The following CASD1 variants were observed in gnomAD, a reference collection of about 807,000 sequenced individuals.
CASD1 encodes N-acetylneuraminate (7)9-O-acetyltransferase.
In CASD1, 41 loss-of-function variants were observed where a neutral mutation model predicts 100.0. The observed-to-expected ratio is 0.41, with a 90% confidence interval of 0.32 to 0.53. The LOEUF is 0.53. Ranked by LOEUF, CASD1 falls within the 20% of genes least tolerant of loss-of-function variation. CASD1 has a pLI of 0.25. For synonymous variants in CASD1, 321 were observed against 315.6 expected (o/e 1.02, Z -0.18); for missense variants, 774 against 948.7 (o/e 0.82, Z 2.42).
At chr7:94,588,733 C>T in the CASD1 span, 1 of 1,612,992 alleles carries the variant, frequency 6.2e-7, no homozygotes, top group Non-Finnish European at 8.5e-7. Flanking sequence ...TGGCAAGTTC[C>T]TAGAAATGAT....
rs2116139626 is a variant in CASD1 at position 94,510,201 on chromosome 7, C to T, written c.117C>T (p.Ala39=). The T allele has an allele frequency of 6.7e-7, 1 of 1,482,364 alleles. No homozygotes were observed. The highest frequency in any genetic ancestry group is 9.0e-7 in the Non-Finnish European group (1 of 1,116,776). 91.8% of individuals were successfully genotyped at this position (1,482,364 alleles called of 1,614,324 possible). The part of the protein sequence containing the change: ...AVLLLAACHL[A]SRRYRGNDSC... ...TGCTGCTCGCAGCGTGCCACCTCGC[C>T]TCCCGCCGCTACCGAGGTGAGCGGG... The change falls in exon 1 of 18, where the codon GCC becomes GCT. Residue 39 remains alanine, a synonymous_variant. Coordinates refer to ENST00000297273, the MANE Select transcript of CASD1 (RefSeq NM_022900.5).
At chr7:94,559,777 C>T (rs745749137), downstream of CASD1, among the ~76,000 whole-genome samples, 11 of 152,114 alleles carry the variant, frequency 7.2e-5, no homozygotes, top group Non-Finnish European at 1.3e-4. Context: ...CCACCTTCCT[C>T]GGTCTCCCAA....
chr7:94,563,949 G>C, the CASD1 span, among the ~76,000 whole-genome samples: 1 of 152,116 alleles, frequency 6.6e-6, no homozygotes, highest in Non-Finnish European at 1.5e-5. Flanking sequence ...CCATACTCTA[G>C]AGTACGCATG....
At chr7:94,603,525 G>A in the CASD1 span, 7 of 1,407,536 alleles carry the variant, frequency 5.0e-6, no homozygotes, top group African/African-American at 1.0e-4. Flanking sequence ...CACCTTAAAA[G>A]CAGGATTTAG....
rs1795849838 is a variant in CASD1 at position 94,549,644 on chromosome 7, T to C, written c.1815+10T>C. On this transcript the variant is annotated intron_variant, in intron 14 of 17. Coordinates refer to ENST00000297273, the MANE Select transcript of CASD1 (RefSeq NM_022900.5). ...GAGGTTAGACCGTTATGTATGTATT[T>C]ACTTTGTGATATTTTGTCATTTCAA... The C allele has an allele frequency of 3.8e-6, 6 of 1,564,198 alleles. No homozygotes were observed. The highest frequency in any genetic ancestry group is 5.2e-6 in the Non-Finnish European group (6 of 1,146,612).
At chr7:94,629,584 T>G in the CASD1 span, 1 of 820,026 alleles carries the variant, frequency 1.2e-6, no homozygotes, top group Non-Finnish European at 2.0e-6. Flanking sequence ...ATGAGAAATA[T>G]CCTACAACAA....
chr7:94,543,723 G>C (rs769215978), intron 10 of CASD1, among the ~76,000 whole-genome samples: 14 of 151,938 alleles, frequency 9.2e-5, no homozygotes, highest in Admixed American at 5.9e-4. Flanking sequence ...GGATCAGCTG[G>C]TGTAGAAAGG....
chr7:94,518,074 A>C lies in CASD1; in HGVS notation c.231-129A>C, dbSNP rs1045967141. On this transcript the variant is annotated intron_variant, in intron 2 of 17. Transcript: ENST00000297273. ...AGTGGTAAGTTAAACAAACCTGGCC[A>C]CCTGCTTATAAAGCAATATAATGGT... 30 of 874,840 alleles carry C rather than the reference A, an allele frequency of 3.4e-5. No individual in the cohort carries two copies. In the African/African-American group the frequency reaches 5.0e-4, roughly 15 times the overall value. The allele number at this position is 874,840 out of a possible 1,614,324, so 54.2% of individuals were successfully genotyped here.
chr7:94,632,696 TAG>T, the CASD1 span, among the ~76,000 whole-genome samples: 1 of 152,236 alleles, frequency 6.6e-6, no homozygotes, highest in South Asian at 2.1e-4. Flanking sequence ...CACAACATTT[TAG>T]AGGAGTGCCC....
At chr7:94,588,739 A>G in the CASD1 span, 1 of 1,611,940 alleles carries the variant, frequency 6.2e-7, no homozygotes, top group East Asian at 2.2e-5. Context: ...GTTCCTAGAA[A>G]TGATGAACAT....
chr7:94,562,870 T>C, the CASD1 span, among the ~76,000 whole-genome samples: 8 of 152,318 alleles, frequency 5.3e-5, no homozygotes, highest in South Asian at 1.7e-3. Context: ...GGTGGTCTCC[T>C]ACTGGGATGT....
chr7:94,617,385 C>T, the CASD1 span: 1 of 152,132 alleles, frequency 6.6e-6, no homozygotes, highest in Non-Finnish European at 1.5e-5. Flanking sequence ...TCTACCAATG[C>T]CTTGTTTTTG....
chr7:94,539,981 C>T (rs569237103), intron 10 of CASD1, among the ~76,000 whole-genome samples: 4 of 152,142 alleles, frequency 2.6e-5, no homozygotes, highest in Admixed American at 2.6e-4. Context: ...TTCCTTTGAT[C>T]ACCTAGTACC....
chr7:94,588,210 G>A, the CASD1 span: 1 of 1,067,406 alleles, frequency 9.4e-7, no homozygotes, highest in African/African-American at 1.7e-5. Context: ...GTTGTCATTG[G>A]TCATGTTATA....
Position 94,555,746 on chromosome 7 carries a change from A to G in CASD1, c.2382A>G (p.Lys794=). The G allele has an allele frequency of 6.2e-7, 1 of 1,611,552 alleles. No homozygotes were observed. The highest frequency in any genetic ancestry group is 8.5e-7 in the Non-Finnish European group (1 of 1,178,984). The change falls in exon 18 of 18, where the codon AAA becomes AAG. Residue 794 remains lysine, a synonymous_variant. Transcript: ENST00000297273. The part of the protein sequence containing the change: ...GLLILSSIQD[K]SKH ...TCATCTTATCATCCATTCAAGATAA[A>G]TCAAAACATTAGGTTCCAAAAATTC...
At chr7:94,611,946 A>G in the CASD1 span, among the ~76,000 whole-genome samples, 75 of 152,336 alleles carry the variant, frequency 4.9e-4, 1 homozygote, top group African/African-American at 1.8e-3. Flanking sequence ...AAAAGTAGAG[A>G]TGAGAAACCA....
At chr7:94,572,397 G>T in the CASD1 span, among the ~76,000 whole-genome samples, 3 of 152,198 alleles carry the variant, frequency 2.0e-5, no homozygotes, top group South Asian at 6.2e-4. Flanking sequence ...GTTGGATTAT[G>T]TTTTTTTGTT....
At chr7:94,619,016 C>T in the CASD1 span, 1 of 1,221,184 alleles carries the variant, frequency 8.2e-7, no homozygotes, top group South Asian at 1.2e-5. Context: ...AAAAAGGAAA[C>T]AAAAGAACAA....
chr7:94,537,937 T>G lies in CASD1; in HGVS notation c.1266+43T>G, dbSNP rs12669441. ...TTTAACTCATGTTACCCTTCTTGTC[T>G]CATTACATACTCTGTGTTAAAGAAC... On this transcript the variant is annotated intron_variant, in intron 9 of 17. Transcript: ENST00000297273. 9,972 of 1,070,862 alleles carry G rather than the reference T, an allele frequency of 9.3e-3. 378 individuals are homozygous for G. The East Asian group carries it at 0.11, about 11-fold the overall frequency. The allele number at this position is 1,070,862 out of a possible 1,614,324, so 66.3% of individuals were successfully genotyped here. A position where few individuals can be genotyped will look rare whatever the true frequency, so the allele number is the denominator to read the frequency against.
Sources: gnomAD v4.1 joint callset for allele counts (sites outside exome capture counted in the v4.1 genomes callset) on GRCh38, gnomAD v4.1.1 for gene constraint, MANE v1.5 for transcripts, NCBI Gene and HGNC (gene_info 2026-07-23, HGNC 2026-07-21) for gene names.